The following RIT2 variants were observed in gnomAD, a reference collection of about 807,000 sequenced individuals.
RIT2 encodes the protein GTP-binding protein Rit2.
In RIT2, 24 loss-of-function variants were observed where a neutral mutation model predicts 23.7. The ratio of observed to expected loss-of-function variants is 1.01; its 90% CI spans 0.73 to 1.43. RIT2 has a LOEUF of 1.43. RIT2 is among the 40% of genes most tolerant of loss of function. The pLI is 0.00. For synonymous variants in RIT2, 107 were observed against 91.1 expected (o/e 1.17, Z -0.99); for missense variants, 236 against 266.9 (o/e 0.88, Z 0.81).
intron 1 of RIT2, among the ~76,000 whole-genome samples, chr18:43,066,405 C>A (rs2144329811): frequency 6.6e-6 from 1 of 152,178 alleles, no homozygotes; most frequent in South Asian, 2.1e-4. Flanking sequence ...CAATTGCACA[C>A]CATTAAAATT....
At chr18:43,068,899 G>A (rs62092701) in intron 1 of RIT2, among the ~76,000 whole-genome samples, 38,539 of 151,894 alleles carry the variant, frequency 0.25, 4,988 homozygotes, top group South Asian at 0.32. Context: ...AGAGGCATTC[G>A]AACCAGAGTG....
chr18:42,780,258 A>G (rs1388746982), intron 4 of RIT2, among the ~76,000 whole-genome samples: 2 of 151,966 alleles, frequency 1.3e-5, no homozygotes, highest in Non-Finnish European at 2.9e-5. Context: ...ATCTGGAAGC[A>G]GGGGGTTTCC....
At chr18:42,896,749 C>G (rs1908340830) in intron 4 of RIT2, among the ~76,000 whole-genome samples, 1 of 152,214 alleles carries the variant, frequency 6.6e-6, no homozygotes, top group African/African-American at 2.4e-5. Context: ...CTTTTACACA[C>G]TAAACTCCCT....
At chr18:42,955,882 A>T (rs554047275) in intron 3 of RIT2, among the ~76,000 whole-genome samples, 2 of 152,134 alleles carry the variant, frequency 1.3e-5, no homozygotes, top group South Asian at 4.1e-4. Flanking sequence ...CGAGACTATA[A>T]CTACTCTGTA....
At chr18:42,858,987 G>C (rs910990368) in intron 4 of RIT2, among the ~76,000 whole-genome samples, 1 of 152,006 alleles carries the variant, frequency 6.6e-6, no homozygotes, top group African/African-American at 2.4e-5. Context: ...TCACTTTTGG[G>C]GTATTATAAA....
intron 1 of RIT2, among the ~76,000 whole-genome samples, chr18:43,105,498 A>AAGGG (rs1356323189): frequency 1.0e-3 from 54 of 52,174 alleles, no homozygotes; most frequent in African/African-American, 3.2e-3. Context: ...GGGAGGAAGA[A>AAGGG]AGGGAGGGAG....
chr18:42,920,561 G>A, intron 4 of RIT2: 1 of 608,720 alleles, frequency 1.6e-6, no homozygotes, highest in South Asian at 2.1e-5. Flanking sequence ...CCACATTAAA[G>A]CTCAAGGAGG....
intron 4 of RIT2, among the ~76,000 whole-genome samples, chr18:42,848,064 C>A (rs528066854): frequency 1.3e-5 from 2 of 151,854 alleles, no homozygotes; most frequent in South Asian, 4.2e-4. Flanking sequence ...GTTGTCAACT[C>A]GTTTGGTCAT....
chr18:42,774,356 T>C (rs1913618584), intron 4 of RIT2, among the ~76,000 whole-genome samples: 1 of 152,118 alleles, frequency 6.6e-6, no homozygotes, highest in Non-Finnish European at 1.5e-5. Flanking sequence ...GGGGAAAGTG[T>C]CTAAGAAGAC....
chr18:42,761,802 C>T (rs1289012663), intron 4 of RIT2, among the ~76,000 whole-genome samples: 3 of 152,170 alleles, frequency 2.0e-5, no homozygotes, highest in African/African-American at 7.2e-5. Context: ...CTCAGCCTCT[C>T]CAGAAGCTGG....
rs1906890228 is a variant in RIT2, at chr18:42,845,753, TAATTAGGA to T, written c.426+77811_426+77818del. 2.0e-5 allele frequency among the ~76,000 whole-genome samples: 3 copies of T among 151,402 alleles called. No individual in the cohort carries two copies. The East Asian group carries it at 5.8e-4, about 29-fold the overall frequency. Reference sequence around the variant, plus strand: ...GCTAGAAATCATTAAATACAAAAGGTAATTAGGAAATACTTTTCTATGCAGAGACTAAT... The same window carrying T: ...GCTAGAAATCATTAAATACAAAAGGTAATACTTTTCTATGCAGAGACTAAT... On this transcript the variant is annotated intron_variant, in intron 4 of 4. Coordinates refer to ENST00000326695, the MANE Select transcript of RIT2 (RefSeq NM_002930.4).
At chr18:42,875,479 C>G (rs1239295936) in intron 4 of RIT2, among the ~76,000 whole-genome samples, 1 of 151,864 alleles carries the variant, frequency 6.6e-6, no homozygotes, top group Non-Finnish European at 1.5e-5. Flanking sequence ...TTTTATTTCT[C>G]CATGACTAGC....
At chr18:42,782,180 T>C (rs1343640035) in intron 4 of RIT2, among the ~76,000 whole-genome samples, 2 of 152,150 alleles carry the variant, frequency 1.3e-5, no homozygotes, top group Admixed American at 1.3e-4. Context: ...ATCCATTCAA[T>C]TGACATTTAG....
chr18:42,889,360 A>G (rs1908111722), intron 4 of RIT2, among the ~76,000 whole-genome samples: 1 of 152,076 alleles, frequency 6.6e-6, no homozygotes, highest in African/African-American at 2.4e-5. Flanking sequence ...ACTTTACCAC[A>G]TGCTAAACTT....
At chr18:42,892,218 C>T (rs1908199115) in intron 4 of RIT2, among the ~76,000 whole-genome samples, 1 of 152,160 alleles carries the variant, frequency 6.6e-6, no homozygotes, top group African/African-American at 2.4e-5. Context: ...AGTACTAATT[C>T]AGCTCTAAGT....
intron 4 of RIT2, among the ~76,000 whole-genome samples, chr18:42,774,322 C>T (rs190308184): frequency 1.3e-5 from 2 of 152,142 alleles, no homozygotes; most frequent in Admixed American, 6.5e-5. Flanking sequence ...TTTTTTCAGA[C>T]AGGACCTAGC....
At chr18:43,032,790 A>G (rs768924225) in intron 2 of RIT2, among the ~76,000 whole-genome samples, 5 of 152,174 alleles carry the variant, frequency 3.3e-5, no homozygotes, top group Non-Finnish European at 7.4e-5. Context: ...TATGTCAGCA[A>G]TGGTATGCAA....
chr18:42,984,790 C>T (rs1473923570), intron 2 of RIT2, among the ~76,000 whole-genome samples: 1 of 151,968 alleles, frequency 6.6e-6, no homozygotes, highest in African/African-American at 2.4e-5. Flanking sequence ...TTACTGATTA[C>T]TGGGTGTCTA....
Position 42,848,100 on chromosome 18 carries a change from C to T in RIT2, c.426+75472G>A, listed in dbSNP as rs118134850. ...TGCCTGTCTTCTGGGAGCTGTCTAGCCAAGCTCATTCCAAGGGTGGTTTTC... is the reference window on the plus strand; with the variant it reads ...TGCCTGTCTTCTGGGAGCTGTCTAGTCAAGCTCATTCCAAGGGTGGTTTTC... On this transcript the variant is annotated intron_variant, in intron 4 of 4. Transcript: ENST00000326695. Among the ~76,000 whole-genome samples, 49 of 151,958 alleles carry T rather than the reference C, an allele frequency of 3.2e-4. No individual in the cohort carries two copies. In the East Asian group the frequency reaches 9.3e-3, roughly 29 times the overall value.
Sources: gnomAD v4.1 joint callset for allele counts (sites outside exome capture counted in the v4.1 genomes callset) on GRCh38, gnomAD v4.1.1 for gene constraint, MANE v1.5 for transcripts, NCBI Gene and HGNC (gene_info 2026-07-23, HGNC 2026-07-21) for gene names.